Variants in SLC4A4 observed in about 807,000 individuals in gnomAD.
SLC4A4 encodes electrogenic sodium bicarbonate cotransporter 1.
A neutral mutation model predicts 111.5 loss-of-function variants in SLC4A4; 27 were observed. That is an observed-to-expected ratio of 0.24 (90% CI 0.18 to 0.33). SLC4A4 has a LOEUF of 0.33. SLC4A4 is among the 10% of genes least tolerant of loss of function. The pLI is 1.00. For synonymous variants in SLC4A4, 443 were observed against 463.4 expected (o/e 0.96, Z 0.57); for missense variants, 909 against 1,315.5 (o/e 0.69, Z 4.78).
chr4:71,173,624 C>T lies in SLC4A4; in HGVS notation c.-1-62952C>T, dbSNP rs1377240722. On this transcript the variant is annotated intron_variant, in intron 2 of 26. Transcript: ENST00000649996. ...TCTCCTGACCTCGTGATCTGCCTGC[C>T]TCAGCCTCCCAAAGTGGTGGGATTA... 3.3e-5 allele frequency among the ~76,000 whole-genome samples: 5 copies of T among 152,146 alleles called. No homozygotes were observed. The East Asian group carries it at 9.6e-4, about 29-fold the overall frequency.
At chr4:71,124,445 C>T (rs900031285) in intron 2 of SLC4A4, among the ~76,000 whole-genome samples, 4 of 152,142 alleles carry the variant, frequency 2.6e-5, no homozygotes, top group South Asian at 2.1e-4. Flanking sequence ...GCTGGGATTA[C>T]GGGCATGAGC....
intron 6 of SLC4A4, among the ~76,000 whole-genome samples, chr4:71,380,399 A>G (rs2148949447): frequency 6.6e-6 from 1 of 152,318 alleles, no homozygotes; most frequent in South Asian, 2.1e-4. Flanking sequence ...CTATTCACCA[A>G]TATTCCAGGT....
chr4:71,156,584 G>A (rs111987327), intron 2 of SLC4A4, among the ~76,000 whole-genome samples: 4,543 of 112,380 alleles, frequency 0.04, 85 homozygotes, highest in South Asian at 0.078. Flanking sequence ...GCGCGCGCGC[G>A]CGCGCACACA....
At chr4:71,501,196 T>C (rs1216751073) in intron 16 of SLC4A4, among the ~76,000 whole-genome samples, 2 of 152,194 alleles carry the variant, frequency 1.3e-5, no homozygotes, top group Admixed American at 1.3e-4. Flanking sequence ...TATTCTTAAA[T>C]GTTTTATTCT....
Position 71,525,717 on chromosome 4 carries a change from A to C in SLC4A4, c.2167-6345A>C, listed in dbSNP as rs74390947. Among the ~76,000 whole-genome samples the C allele has an allele frequency of 3.1e-4, 47 of 152,040 alleles. No homozygotes were observed. In the East Asian group the frequency reaches 8.7e-3, roughly 28 times the overall value. On this transcript the variant is annotated intron_variant, in intron 16 of 25. Transcript: ENST00000264485. ...TGAGGGAACAGGTTTTCTCATGAAA[A>C]CCTTGGCACTTCTACTTTTAACCAT... is the stretch of plus-strand genomic sequence containing the variant.
intron 3 of SLC4A4, among the ~76,000 whole-genome samples, chr4:71,307,205 C>T (rs1237147475): frequency 6.6e-6 from 1 of 152,164 alleles, no homozygotes; most frequent in Non-Finnish European, 1.5e-5. Flanking sequence ...TTATAAGGAA[C>T]TTACTACAGT....
chr4:71,259,461 G>A (rs529097358), intron 3 of SLC4A4, among the ~76,000 whole-genome samples: 5 of 152,130 alleles, frequency 3.3e-5, no homozygotes, highest in African/African-American at 4.8e-5. Flanking sequence ...AGAAGGAAAC[G>A]TGTGTGAGAG....
intron 14 of SLC4A4, chr4:71,473,266 A>G (rs1345963814): frequency 3.3e-6 from 2 of 603,166 alleles, no homozygotes; most frequent in Non-Finnish European, 5.9e-6. Context: ...TCTTGATTTT[A>G]TAAGTGGGGA....
Position 71,450,384 on chromosome 4 carries a change from T to A in SLC4A4, c.1054-5T>A. 4.4e-6 allele frequency: 7 copies of A among 1,602,798 alleles called. 1 individual carries two copies. Among genetic ancestry groups the A allele is most frequent in the Non-Finnish European group, 6.0e-6 (7 of 1,169,804 alleles). On this transcript the variant is annotated splice_region_variant and splice_polypyrimidine_tract_variant and intron_variant, in intron 9 of 25. Transcript: ENST00000264485. ...TGGATGAGCACATCTTTTATTATTCTTTAGGTGTTCCATGACATTGCTTAT... is the reference window on the plus strand; with the variant it reads ...TGGATGAGCACATCTTTTATTATTCATTAGGTGTTCCATGACATTGCTTAT...
intron 2 of SLC4A4, among the ~76,000 whole-genome samples, chr4:71,111,691 A>G (rs1044573514): frequency 2.1e-5 from 3 of 141,440 alleles, no homozygotes; most frequent in African/African-American, 8.0e-5. Flanking sequence ...CTGGCCGCTA[A>G]ATTTCTTTTT....
Position 71,117,876 on chromosome 4 carries a change from CTT to C in SLC4A4, c.-2+25100_-2+25101del, listed in dbSNP as rs35554188. ...ATTTCTTAGTTTTAAAATACATTTT[CTT>C]TTTTTTTTTTTTTTTGAGACGGAGT... On this transcript the variant is annotated intron_variant, in intron 2 of 26. Coordinates refer to the SLC4A4 transcript ENST00000649996. 8.4e-3 allele frequency among the ~76,000 whole-genome samples: 492 copies of C among 58,616 alleles called. 3 individuals carry two copies. Among genetic ancestry groups the C allele is most frequent in the African/African-American group, 0.015 (440 of 29,218 alleles). The allele number at this position is 58,616 out of a possible 152,430, so 38.5% of individuals were successfully genotyped here.
intron 1 of SLC4A4, among the ~76,000 whole-genome samples, chr4:71,074,630 GA>G: frequency 6.6e-6 from 1 of 150,600 alleles, no homozygotes; most frequent in Non-Finnish European, 1.5e-5. Context: ...GAAGAAAGGA[GA>G]AAAAGGAGAA....
chr4:71,080,695 A>G (rs1322089501), intron 1 of SLC4A4, among the ~76,000 whole-genome samples: 2 of 151,990 alleles, frequency 1.3e-5, no homozygotes, highest in Non-Finnish European at 2.9e-5. Context: ...AGTTGTGAGC[A>G]CTTTTAGACT....
chr4:71,449,871 G>A (rs948613195), intron 9 of SLC4A4, among the ~76,000 whole-genome samples: 3 of 152,186 alleles, frequency 2.0e-5, no homozygotes, highest in African/African-American at 7.2e-5. Context: ...AAGGCCTTTT[G>A]GTTAATGTGC....
chr4:71,085,408 A>G (rs1421893256), intron 1 of SLC4A4, among the ~76,000 whole-genome samples: 2 of 151,986 alleles, frequency 1.3e-5, no homozygotes, highest in African/African-American at 4.8e-5. Flanking sequence ...TCTTGAGTTT[A>G]ATTAGATCCC....
At chr4:71,181,229 G>C (rs184265035) in intron 2 of SLC4A4, among the ~76,000 whole-genome samples, 6 of 109,180 alleles carry the variant, frequency 5.5e-5, no homozygotes, top group Admixed American at 2.4e-4. Context: ...GTGGGGGGAG[G>C]GGGGAGGGAT....
rs373858019 is a variant in SLC4A4, at chr4:71,567,046, G to A, written c.3239G>A (p.Ter1080=). 4.9e-5 allele frequency: 79 copies of A among 1,610,016 alleles called. No homozygotes were observed. The highest frequency in any genetic ancestry group is 6.3e-5 in the Non-Finnish European group (74 of 1,177,584). ...PTFLERHTSC[*] Reference sequence around the variant, plus strand: ...TTCCTTGAACGCCACACATCATGCTGATAAAATTCCTTTCCTTCAGTCACT... The same window carrying A: ...TTCCTTGAACGCCACACATCATGCTAATAAAATTCCTTTCCTTCAGTCACT... The change falls in exon 25 of 26, where the codon TGA becomes TAA. Residue 1080 remains the stop codon, a stop_retained_variant. Transcript: ENST00000264485.
chr4:71,438,604 T>C (rs1052134904), intron 7 of SLC4A4, among the ~76,000 whole-genome samples: 6 of 152,248 alleles, frequency 3.9e-5, no homozygotes, highest in African/African-American at 1.4e-4. Flanking sequence ...AATTATCTGC[T>C]TTTTTGAAGA....
chr4:71,179,186 G>A (rs1043038808), intron 2 of SLC4A4, among the ~76,000 whole-genome samples: 4 of 151,992 alleles, frequency 2.6e-5, no homozygotes, highest in South Asian at 2.1e-4. Context: ...AATAAATTAG[G>A]TATTGATGGG....
Sources: gnomAD v4.1 joint callset for allele counts (sites outside exome capture counted in the v4.1 genomes callset) on GRCh38, gnomAD v4.1.1 for gene constraint, MANE v1.5 for transcripts, NCBI Gene and HGNC (gene_info 2026-07-23, HGNC 2026-07-21) for gene names.